The following NCOA3 variants were observed in gnomAD, a reference collection of about 807,000 sequenced individuals.
NCOA3 encodes the protein CBP-interacting protein.
In NCOA3, 51 loss-of-function variants were observed where a neutral mutation model predicts 158.8. The ratio of observed to expected loss-of-function variants is 0.32; its 90% confidence interval spans 0.26 to 0.41. The LOEUF (loss-of-function observed/expected upper bound fraction) is 0.41. Among genes scored for constraint, NCOA3 ranks in the 10% least tolerant of loss-of-function variants. The pLI is 1.00. For missense variants in NCOA3, 1,510 were observed against 1,746.6 expected (o/e 0.86, Z 2.41); for synonymous variants, 537 against 592.4 (o/e 0.91, Z 1.36).
chr20:47,556,445 TG>T, intron 1 of NCOA3, among the ~76,000 whole-genome samples: 1 of 152,332 alleles, frequency 6.6e-6, no homozygotes, highest in Non-Finnish European at 1.5e-5. Flanking sequence ...ATTTTGAACC[TG>T]GGCTTCAAGT....
intron 16 of NCOA3, among the ~76,000 whole-genome samples, chr20:47,641,324 CTTTTTTT>C (rs34173277): frequency 9.3e-5 from 9 of 96,566 alleles, no homozygotes; most frequent in Admixed American, 2.4e-4. Context: ...CTCAACATTT[CTTTTTTT>C]TTTTTTTTTT....
chr20:47,603,151 A>G (rs985543182), intron 2 of NCOA3, among the ~76,000 whole-genome samples: 3 of 152,258 alleles, frequency 2.0e-5, no homozygotes, highest in Non-Finnish European at 4.4e-5. Flanking sequence ...CAAGACCACT[A>G]CCAAAACTTC....
chr20:47,629,476 C>T (rs2086378954), intron 8 of NCOA3, among the ~76,000 whole-genome samples: 2 of 151,964 alleles, frequency 1.3e-5, no homozygotes, highest in Admixed American at 1.3e-4. Context: ...ATTACAGGCG[C>T]CCATCACCAC....
intron 8 of NCOA3, among the ~76,000 whole-genome samples, chr20:47,632,120 A>G (rs1013724716): frequency 1.3e-5 from 2 of 152,224 alleles, no homozygotes; most frequent in African/African-American, 2.4e-5. Flanking sequence ...CTGACTGGCT[A>G]TAAATTGGGC....
At chr20:47,614,880 C>T (rs1239781164) in intron 2 of NCOA3, among the ~76,000 whole-genome samples, 2 of 152,068 alleles carry the variant, frequency 1.3e-5, no homozygotes, top group Non-Finnish European at 2.9e-5. Flanking sequence ...TACTGCATGC[C>T]CCTAAACTAT....
At position 47,576,175 on chromosome 20, in the gene NCOA3, A is replaced by T. The variant is rs1423491084; in HGVS notation, c.-98-7008A>T. On this transcript the variant is annotated intron_variant, in intron 1 of 22. Coordinates refer to ENST00000371998, the MANE Select transcript of NCOA3 (RefSeq NM_181659.3). ...GCTCTGCCTGCATTTCTGTGGATCC[A>T]CATTATGAAAAGGATAGAGGAACAT... is the stretch of plus-strand genomic sequence containing the variant. Among the ~76,000 whole-genome samples, 3 of 152,206 alleles carry T rather than the reference A, an allele frequency of 2.0e-5. No homozygotes were observed. In the South Asian group the frequency reaches 6.2e-4, roughly 31 times the overall value.
intron 20 of NCOA3, among the ~76,000 whole-genome samples, 172 bp downstream of exon 20, chr20:47,651,448 G>A (rs892411866): frequency 4.6e-5 from 7 of 152,154 alleles, no homozygotes; most frequent in African/African-American, 1.7e-4. Flanking sequence ...CAGCACACAG[G>A]TAATTGAGAC....
At chr20:47,550,171 G>A (rs1190250405) in intron 1 of NCOA3, among the ~76,000 whole-genome samples, 9 of 150,426 alleles carry the variant, frequency 6.0e-5, no homozygotes, top group Admixed American at 2.7e-4. Context: ...AAGTCCAGGC[G>A]CGGTGGCTCA....
chr20:47,620,775 C>T (rs1346221988), intron 2 of NCOA3, among the ~76,000 whole-genome samples: 1 of 152,104 alleles, frequency 6.6e-6, no homozygotes, highest in Non-Finnish European at 1.5e-5. Flanking sequence ...TGTCTATTGT[C>T]CATATTCTAA....
intron 1 of NCOA3, among the ~76,000 whole-genome samples, chr20:47,529,129 T>A (rs183238458): frequency 2.4e-3 from 359 of 150,948 alleles, no homozygotes; most frequent in African/African-American, 4.8e-3. Flanking sequence ...TTTAAAAAAA[T>A]TTTTTTTCTT....
At chr20:47,651,799 A>T (rs1481669535) in intron 20 of NCOA3, among the ~76,000 whole-genome samples, 5 of 150,838 alleles carry the variant, frequency 3.3e-5, no homozygotes, top group Non-Finnish European at 7.4e-5. Context: ...AGTAGCTGGG[A>T]CTACAGGTGC....
chr20:47,614,559 G>C (rs1286848142), intron 2 of NCOA3, among the ~76,000 whole-genome samples: 1 of 152,144 alleles, frequency 6.6e-6, no homozygotes, highest in African/African-American at 2.4e-5. Context: ...GTATAAGTTA[G>C]GGAAACAAGC....
At chr20:47,520,061 CAAAAAAAAAAA>C (rs35406814) in intron 1 of NCOA3, among the ~76,000 whole-genome samples, 35 of 32,894 alleles carry the variant, frequency 1.1e-3, no homozygotes, top group East Asian at 3.4e-3. Context: ...TGTGCCTGGC[CAAAAAAAAAAA>C]AAAAAAAAAA....
In NCOA3 at chr20:47,542,598, G is replaced by A. The variant is rs369557352; in HGVS notation, c.-99+40579G>A. ...AAACTGAGGTGGGAGGACTGCTTAA[G>A]CCTGGAAGTTTGAGGCTGCAGTGAG... is the stretch of plus-strand genomic sequence containing the variant. On this transcript the variant is annotated intron_variant, in intron 1 of 22. Transcript: ENST00000371998. Among the ~76,000 whole-genome samples the A allele has an allele frequency of 1.1e-4, 17 of 152,314 alleles. No homozygotes were observed. The East Asian group carries it at 2.3e-3, about 21-fold the overall frequency.
intron 2 of NCOA3, among the ~76,000 whole-genome samples, chr20:47,615,645 A>G (rs2146286276): frequency 6.6e-6 from 1 of 152,296 alleles, no homozygotes; most frequent in Non-Finnish European, 1.5e-5. Context: ...AATTTATTAT[A>G]TATTCTGTTG....
rs750432307 is a variant in NCOA3, at chr20:47,651,143, G to C, written c.3813G>C (p.Gln1271His). 1 of 1,612,790 alleles carries C rather than the reference G, an allele frequency of 6.2e-7. No individual in the cohort carries two copies. Among genetic ancestry groups the C allele is most frequent in the East Asian group, 2.2e-5 (1 of 44,860 alleles). Reference sequence around the variant, plus strand: ...AGCAACAGCAACAGCAACAGCAACAGCAGCAACAGCAGCAAACCCAGGCCT... The same window carrying C: ...AGCAACAGCAACAGCAACAGCAACACCAGCAACAGCAGCAAACCCAGGCCT... Reference protein sequence around the residue: ...QQQQQQQQQQQQQQQQTQAFS... With the variant: ...QQQQQQQQQQHQQQQQTQAFS... Residue 1271 changes from glutamine (Q) to histidine (H), a missense_variant, in exon 20 of 23, where the codon CAG (glutamine) becomes CAC (histidine). Gln to His is a conservative substitution (Grantham distance 24). Transcript: ENST00000371998.
intron 1 of NCOA3, among the ~76,000 whole-genome samples, chr20:47,571,395 G>T (rs1210354536): frequency 6.7e-6 from 1 of 148,964 alleles, no homozygotes; most frequent in Non-Finnish European, 1.5e-5. Context: ...TTGGCTCACT[G>T]CAACCTTCAC....
chr20:47,592,901 C>T (rs956518151), intron 2 of NCOA3, among the ~76,000 whole-genome samples: 1 of 152,208 alleles, frequency 6.6e-6, no homozygotes, highest in Admixed American at 6.5e-5. Context: ...GAAAGTATGT[C>T]TGTGGTTACT....
rs909524929 is a variant in NCOA3 at position 47,514,449 on chromosome 20, A to G, written c.-99+12430A>G. Among the ~76,000 whole-genome samples, 13 of 152,146 alleles carry G rather than the reference A, an allele frequency of 8.5e-5. No homozygotes were observed. The South Asian group carries it at 2.3e-3, about 27-fold the overall frequency. On this transcript the variant is annotated intron_variant, in intron 1 of 22. Coordinates refer to ENST00000371998, the MANE Select transcript of NCOA3 (RefSeq NM_181659.3). ...GTTGCCCAGGCTGCAGTGCAGTGGT[A>G]CAATCTTGACTCACTGAAATCTCCA... is the stretch of plus-strand genomic sequence containing the variant.
Sources: gnomAD v4.1 joint callset for allele counts (sites outside exome capture counted in the v4.1 genomes callset) on GRCh38, gnomAD v4.1.1 for gene constraint, MANE v1.5 for transcripts, NCBI Gene and HGNC (gene_info 2026-07-23, HGNC 2026-07-21) for gene names.